The following SLC36A4 variants were observed in gnomAD, a reference collection of about 807,000 sequenced individuals.
The protein encoded by SLC36A4 is solute carrier family 36 member 4.
Under a neutral mutation model 50.5 loss-of-function variants are expected in SLC36A4, and 49 were observed. That is an observed-to-expected ratio of 0.97 (90% confidence interval 0.77 to 1.23). The LOEUF (loss-of-function observed/expected upper bound fraction) is 1.23, where lower values mean the gene tolerates loss of function less well. Among genes scored for constraint, SLC36A4 ranks in the 50% most tolerant of loss-of-function variants. The pLI, the probability that SLC36A4 is intolerant of heterozygous loss-of-function variation, is 0.00. For synonymous variants in SLC36A4, 207 were observed against 206.5 expected (o/e 1.00, Z -0.02); for missense variants, 611 against 608.4 (o/e 1.00, Z -0.05).
chr11:93,160,587 A>C (rs777704091), intron 9 of SLC36A4: 26 of 985,294 alleles, frequency 2.6e-5, no homozygotes, highest in Non-Finnish European at 3.1e-5. Context: ...GTGAATACCA[A>C]AAGCATTCTG....
intron 6 of SLC36A4, among the ~76,000 whole-genome samples, chr11:93,179,111 A>G (rs1316244050): frequency 6.6e-6 from 1 of 152,206 alleles, no homozygotes; most frequent in Non-Finnish European, 1.5e-5. Flanking sequence ...TCAATACGGA[A>G]ATCAAACAAA....
chr11:93,153,922 T>C, intron 10 of SLC36A4, 186 bp downstream of exon 10: 1 of 317,146 alleles, frequency 3.2e-6, no homozygotes, highest in East Asian at 5.3e-5. Flanking sequence ...TGTGTTTTTC[T>C]TATGTAGTAG....
intron 6 of SLC36A4, among the ~76,000 whole-genome samples, chr11:93,179,153 A>C (rs894214761): frequency 2.6e-5 from 4 of 152,210 alleles, no homozygotes; most frequent in Non-Finnish European, 5.9e-5. Flanking sequence ...AGAAAGTTTT[A>C]CTGACACTTG....
At chr11:93,185,852 A>T (rs774614266) in intron 1 of SLC36A4, 38 bp from the exon 2 acceptor site, 15 of 1,528,380 alleles carry the variant, frequency 9.8e-6, no homozygotes, top group Admixed American at 2.3e-5. Flanking sequence ...ACTATTGCTT[A>T]AAAAAGTTGG....
At chr11:93,169,523 T>C (rs1565225389) in intron 6 of SLC36A4, among the ~76,000 whole-genome samples, 1 of 152,162 alleles carries the variant, frequency 6.6e-6, no homozygotes, top group Non-Finnish European at 1.5e-5. Context: ...TTTAAGTGTT[T>C]CTTCTACTTT....
chr11:93,178,519 T>C (rs1207368163), intron 6 of SLC36A4, among the ~76,000 whole-genome samples: 2 of 152,198 alleles, frequency 1.3e-5, no homozygotes, highest in Non-Finnish European at 2.9e-5. Context: ...TTGGTCATCT[T>C]GGAACCGGCG....
intron 3 of SLC36A4, among the ~76,000 whole-genome samples, chr11:93,183,311 T>A (rs1294124288): frequency 1.3e-5 from 2 of 152,230 alleles, no homozygotes; most frequent in Non-Finnish European, 2.9e-5. Context: ...GACTGCTTCT[T>A]GGGTACTTAC....
In SLC36A4 at chr11:93,195,133, T is replaced by TTATTATCTAGTATTGAAGTATTATCTAG. The variant is rs1459410083; in HGVS notation, c.55+2644_55+2645insCTAGATAATACTTCAATACTAGATAATA. Among the ~76,000 whole-genome samples the TTATTATCTAGTATTGAAGTATTATCTAG allele has an allele frequency of 9.3e-5, 14 of 151,308 alleles. 1 individual carries two copies. The highest frequency in any genetic ancestry group is 3.4e-3 in the Middle Eastern group (1 of 294). On this transcript the variant is annotated intron_variant, in intron 1 of 10. Transcript: ENST00000326402. ...GGCAAGGAGGAAGGCACAATGCACT[T>TTATTATCTAGTATTGAAGTATTATCTAG]TATTATCTAGTATTGAAGTCATACA...
In SLC36A4 at chr11:93,144,642, C is replaced by T. The variant is rs1859814579; in HGVS notation, c.*3895G>A. The T allele has an allele frequency of 6.6e-6, 1 of 152,004 alleles. No individual in the cohort carries two copies. 9.4% of individuals were successfully genotyped at this position (152,004 alleles called of 1,614,324 possible). ...TTCTAGCCATTTCTTAGGCATGTTT[C>T]CTTATCTCATAGGTCAAAACCAATC... is the stretch of plus-strand genomic sequence containing the variant. On this transcript the variant is annotated 3_prime_UTR_variant, in exon 11 of 11. Coordinates refer to ENST00000326402, the MANE Select transcript of SLC36A4 (RefSeq NM_152313.4).
intron 9 of SLC36A4, chr11:93,155,411 G>T (rs1293972630): frequency 1.3e-5 from 2 of 151,944 alleles, no homozygotes; most frequent in African/African-American, 4.8e-5. Context: ...ACAAAAAAAT[G>T]CAATCATTTT....
At chr11:93,166,388 C>G in intron 7 of SLC36A4, 1 of 994,646 alleles carries the variant, frequency 1.0e-6, no homozygotes, top group Non-Finnish European at 1.2e-6. Flanking sequence ...ACCACTGCTG[C>G]TGGTGCCTAG....
intron 2 of SLC36A4, chr11:93,185,240 G>A (rs183002365): frequency 1.3e-5 from 2 of 152,624 alleles, no homozygotes; most frequent in African/African-American, 4.8e-5. Context: ...CTTCTTTTCT[G>A]ATCAATTGCA....
intron 9 of SLC36A4, chr11:93,155,200 CAAAAGA>C (rs1196924271): frequency 1.7e-4 from 26 of 151,846 alleles, no homozygotes; most frequent in Non-Finnish European, 3.4e-4. Flanking sequence ...TTATAAAATT[CAAAAGA>C]AAAACCCAAC....
chr11:93,197,979 G>A lies in SLC36A4; in HGVS notation c.-147C>T, dbSNP rs1862514658. The stretch of plus-strand genomic sequence containing the variant: ...TGCCCCGGCGCTCCCCAACCGCGCG[G>A]CGAGGAGCATGCGCAGTGGGACAGC... On this transcript the variant is annotated 5_prime_UTR_variant, in exon 1 of 11. Transcript: ENST00000326402. The A allele has an allele frequency of 3.7e-6, 3 of 821,262 alleles. No individual in the cohort carries two copies. Among genetic ancestry groups the A allele is most frequent in the Middle Eastern group, 3.9e-4 (1 of 2,590 alleles). The allele number at this position is 821,262 out of a possible 1,614,324, so 50.9% of individuals were successfully genotyped here.
intron 9 of SLC36A4, chr11:93,160,829 C>G (rs1020291568): frequency 1.2e-6 from 1 of 825,492 alleles, no homozygotes. Context: ...AAGACCTAGT[C>G]AAAATATTAT....
At chr11:93,172,142 T>G (rs575602512) in intron 6 of SLC36A4, among the ~76,000 whole-genome samples, 49 of 152,170 alleles carry the variant, frequency 3.2e-4, no homozygotes, top group African/African-American at 1.2e-3. Context: ...ACTAGGATAT[T>G]TTGAAAAAAA....
chr11:93,196,527 C>A (rs1862434205), intron 1 of SLC36A4, among the ~76,000 whole-genome samples: 1 of 152,234 alleles, frequency 6.6e-6, no homozygotes, highest in East Asian at 1.9e-4. Context: ...CCACCACGCC[C>A]GGCTAATTTT....
At chr11:93,182,249 T>C (rs980240615) in intron 4 of SLC36A4, 95 of 827,346 alleles carry the variant, frequency 1.1e-4, no homozygotes, top group East Asian at 2.5e-4. Flanking sequence ...TCTTTTTTTT[T>C]CCCAAGTATA....
intron 10 of SLC36A4, among the ~76,000 whole-genome samples, chr11:93,149,693 C>T (rs1250750909): frequency 6.6e-6 from 1 of 151,984 alleles, no homozygotes; most frequent in Non-Finnish European, 1.5e-5. Flanking sequence ...AAGTCAAGGA[C>T]AGTCAAGATT....
Sources: allele counts gnomAD v4.1 joint callset (sites outside exome capture counted in the v4.1 genomes callset), GRCh38; gene constraint gnomAD v4.1.1; transcripts MANE v1.5; gene names NCBI Gene and HGNC (gene_info 2026-07-23, HGNC 2026-07-21).